Variants in NEBL observed in about 807,000 individuals in gnomAD.
NEBL encodes the protein LIM and SH3 protein 2.
NEBL carries 122 observed loss-of-function variants against 140.2 expected under a neutral mutation model. The observed-to-expected ratio is 0.87, with a 90% confidence interval of 0.75 to 1.01. The LOEUF is 1.01. Among genes scored for constraint, NEBL ranks in the 50% least tolerant of loss-of-function variants. NEBL has a pLI of 0.00. For missense variants in NEBL, 1,365 were observed against 1,231.3 expected (o/e 1.11, Z -1.62); for synonymous variants, 436 against 398.9 (o/e 1.09, Z -1.11).
At chr10:20,804,203 T>C (rs1009809427) in intron 26 of NEBL, 1 of 151,892 alleles carries the variant, frequency 6.6e-6, no homozygotes, top group Non-Finnish European at 1.5e-5. Flanking sequence ...AAGGAAAAAA[T>C]TCAGAGAAAA....
chr10:20,918,194 A>G (rs1185852079), intron 4 of NEBL, among the ~76,000 whole-genome samples: 1 of 152,126 alleles, frequency 6.6e-6, no homozygotes, highest in Non-Finnish European at 1.5e-5. Flanking sequence ...CCCTGTCGCT[A>G]CTAAAATACA....
intron 2 of NEBL, among the ~76,000 whole-genome samples, chr10:21,041,858 A>G (rs1834282111): frequency 1.3e-5 from 2 of 152,176 alleles, no homozygotes; most frequent in South Asian, 2.1e-4. Flanking sequence ...TAGACCATAT[A>G]TAGTAATTTC....
chr10:21,282,520 A>G (rs1044112486), intron 1 of NEBL, among the ~76,000 whole-genome samples: 1 of 152,304 alleles, frequency 6.6e-6, no homozygotes, highest in Non-Finnish European at 1.5e-5. Flanking sequence ...AGGGGGGAAA[A>G]AAAAGAAGAA....
intron 3 of NEBL, among the ~76,000 whole-genome samples, chr10:21,226,565 G>A (rs1182668231): frequency 6.6e-6 from 1 of 152,200 alleles, no homozygotes; most frequent in African/African-American, 2.4e-5. Flanking sequence ...ATGCTGGGAT[G>A]AGTGATGCCC....
chr10:21,158,318 G>A (rs1840414661), intron 2 of NEBL, among the ~76,000 whole-genome samples: 1 of 152,266 alleles, frequency 6.6e-6, no homozygotes, highest in South Asian at 2.1e-4. Context: ...ATTTCTCAAA[G>A]AGAATAGGCA....
chr10:20,965,145 C>T (rs533059437), intron 3 of NEBL, among the ~76,000 whole-genome samples: 1 of 152,318 alleles, frequency 6.6e-6, no homozygotes, highest in South Asian at 2.1e-4. Flanking sequence ...TGAGCACCTA[C>T]TATGGGCCAA....
chr10:21,149,003 C>T (rs1234034408), intron 2 of NEBL, among the ~76,000 whole-genome samples: 1 of 152,216 alleles, frequency 6.6e-6, no homozygotes, highest in African/African-American at 2.4e-5. Context: ...AGGAAGGAAT[C>T]CTGCACAGAG....
chr10:21,042,589 G>A (rs1420133117), intron 2 of NEBL, among the ~76,000 whole-genome samples: 1 of 152,230 alleles, frequency 6.6e-6, no homozygotes, highest in Non-Finnish European at 1.5e-5. Flanking sequence ...CCATCAGGAT[G>A]TGCCTTTGCA....
At chr10:21,021,702 C>G (rs1478975732) in intron 2 of NEBL, among the ~76,000 whole-genome samples, 2 of 152,198 alleles carry the variant, frequency 1.3e-5, no homozygotes, top group African/African-American at 4.8e-5. Flanking sequence ...TGCCCCTGTG[C>G]TAATGCTTAT....
At chr10:20,960,406 G>A (rs745978666) in intron 4 of NEBL, among the ~76,000 whole-genome samples, 38 of 151,962 alleles carry the variant, frequency 2.5e-4, no homozygotes, top group Middle Eastern at 3.4e-3. Flanking sequence ...GCTGGGATGG[G>A]GTAGAAAAAC....
chr10:21,078,106 T>C (rs901987209), intron 2 of NEBL, among the ~76,000 whole-genome samples: 2 of 152,024 alleles, frequency 1.3e-5, no homozygotes, highest in Non-Finnish European at 2.9e-5. Context: ...ATGCATTCTA[T>C]GGGGGATCGA....
chr10:21,207,923 A>G (rs1003116268), intron 3 of NEBL, among the ~76,000 whole-genome samples: 2 of 152,176 alleles, frequency 1.3e-5, no homozygotes, highest in Admixed American at 1.3e-4. Flanking sequence ...ATACTGTTGA[A>G]TTAGTTGATC....
At chr10:20,936,572 G>T (rs1308461941) in intron 4 of NEBL, among the ~76,000 whole-genome samples, 2 of 152,214 alleles carry the variant, frequency 1.3e-5, no homozygotes, top group African/African-American at 4.8e-5. Context: ...CTTAGAGCAA[G>T]AATTAAGTGA....
At chr10:20,826,657 T>A in intron 17 of NEBL, 118 bp from the exon 18 acceptor site, 2 of 785,856 alleles carry the variant, frequency 2.5e-6, no homozygotes, top group Non-Finnish European at 4.2e-6. Context: ...CATCTATTTA[T>A]GAGTGCCGGA....
chr10:21,290,599 T>G (rs1361579444), intron 1 of NEBL, among the ~76,000 whole-genome samples: 1 of 152,212 alleles, frequency 6.6e-6, no homozygotes, highest in Non-Finnish European at 1.5e-5. Flanking sequence ...AAACTTTTCT[T>G]CTGTTCTTTT....
intron 2 of NEBL, among the ~76,000 whole-genome samples, chr10:21,140,155 T>C (rs1839562509): frequency 6.6e-6 from 1 of 152,058 alleles, no homozygotes; most frequent in Non-Finnish European, 1.5e-5. Context: ...AGCGAGACTC[T>C]GTCTCAAAAT....
intron 26 of NEBL, among the ~76,000 whole-genome samples, chr10:20,807,142 T>C (rs142124335): frequency 3.3e-5 from 5 of 152,082 alleles, no homozygotes; most frequent in African/African-American, 4.8e-5. Flanking sequence ...ATGGACAACA[T>C]TGCGAGACCC....
rs142138590 is a variant in NEBL at position 20,868,723 on chromosome 10, C to A, written c.625G>T (p.Ala209Ser). ...KGQGIMNKEP[A>S]VIGRPDFEHA... The stretch of plus-strand genomic sequence containing the variant: ...TCAAAATCTGGTCTTCCAATTACAG[C>A]GGGCTCTTTATTCATTATTCCTTGT... Residue 209 changes from alanine to serine, a missense_variant, in exon 7 of 28, where the codon GCT becomes TCT. Transcript: ENST00000377122. The A allele has an allele frequency of 1.9e-6, 3 of 1,612,616 alleles. No individual in the cohort carries two copies. The highest frequency in any genetic ancestry group is 2.2e-5 in the South Asian group (2 of 91,058).
At chr10:21,267,381 T>G (rs1842809349) in intron 1 of NEBL, among the ~76,000 whole-genome samples, 1 of 152,242 alleles carries the variant, frequency 6.6e-6, no homozygotes. Context: ...CCCAAAGTGC[T>G]GGGATTACAG....
Sources: gnomAD v4.1 joint callset for allele counts (sites outside exome capture counted in the v4.1 genomes callset) on GRCh38, gnomAD v4.1.1 for gene constraint, MANE v1.5 for transcripts, NCBI Gene and HGNC (gene_info 2026-07-23, HGNC 2026-07-21) for gene names.